Variants in CTTNBP2 observed in about 807,000 individuals in gnomAD.
CTTNBP2 encodes the protein cortactin-binding protein 2.
Under a neutral mutation model 156.9 loss-of-function variants are expected in CTTNBP2, and 108 were observed. The ratio of observed to expected loss-of-function variants is 0.69; its 90% CI spans 0.59 to 0.81. The LOEUF is 0.81. Among genes scored for constraint, CTTNBP2 ranks in the 30% least tolerant of loss-of-function variants. The pLI is 0.00. For missense variants in CTTNBP2, 1,924 were observed against 2,035.4 expected (o/e 0.95, Z 1.05); for synonymous variants, 767 against 751.8 (o/e 1.02, Z -0.33).
At chr7:117,753,206 C>A (rs1796709541) in intron 12 of CTTNBP2, among the ~76,000 whole-genome samples, 1 of 152,120 alleles carries the variant, frequency 6.6e-6, no homozygotes, top group Non-Finnish European at 1.5e-5. Flanking sequence ...CAATGAGATA[C>A]CATCTCACGC....
chr7:117,864,456 A>G (rs933108994), intron 1 of CTTNBP2, among the ~76,000 whole-genome samples: 3 of 151,814 alleles, frequency 2.0e-5, no homozygotes, highest in Non-Finnish European at 4.4e-5. Flanking sequence ...TCAAATTGTC[A>G]ACAACTTTTA....
At chr7:117,717,993 A>G (rs1584882888) in intron 22 of CTTNBP2, 25 bp downstream of exon 22, 1 of 1,369,088 alleles carries the variant, frequency 7.3e-7, no homozygotes, top group East Asian at 2.3e-5. Flanking sequence ...TCCTTTGTTC[A>G]CTTTGGGGAG....
At chr7:117,779,071 G>C (rs761122705) in intron 7 of CTTNBP2, among the ~76,000 whole-genome samples, 4 of 152,062 alleles carry the variant, frequency 2.6e-5, no homozygotes, top group Non-Finnish European at 2.9e-5. Flanking sequence ...AAATCCACTT[G>C]GCTAAGACAA....
chr7:117,782,704 T>G (rs866757993), intron 6 of CTTNBP2, among the ~76,000 whole-genome samples, 158 bp downstream of exon 6: 1 of 152,230 alleles, frequency 6.6e-6, no homozygotes, highest in East Asian at 1.9e-4. Flanking sequence ...AAATTTAGAA[T>G]CCTAGTTTGC....
At chr7:117,839,898 A>G (rs1023701990) in intron 2 of CTTNBP2, among the ~76,000 whole-genome samples, 6 of 152,330 alleles carry the variant, frequency 3.9e-5, no homozygotes, top group African/African-American at 1.2e-4. Context: ...CCCTACTAAT[A>G]ATAAACTACC....
At position 117,810,954 on chromosome 7, in the gene CTTNBP2, A is replaced by T; in HGVS notation, c.225T>A (p.Tyr75Ter). The change falls in exon 3 of 23, where the codon TAT becomes TAA. Residue 75 changes from tyrosine (Y) to a stop codon, truncating the protein, a stop_gained. Transcript: ENST00000160373. LOFTEE classifies it high-confidence loss of function. ...RRKEVFIQER[Y>*]GRFNLNDPFL... ...ACGGGTCATTTAGATTAAATCTCCC[A>T]TACCGTTCCTGGATAAATACCTCCT... 6.2e-7 allele frequency: 1 copy of T among 1,613,798 alleles called. No individual in the cohort carries two copies. The highest frequency in any genetic ancestry group is 8.5e-7 in the Non-Finnish European group (1 of 1,179,742).
At chr7:117,835,698 C>T (rs974023887) in intron 2 of CTTNBP2, among the ~76,000 whole-genome samples, 4 of 152,152 alleles carry the variant, frequency 2.6e-5, no homozygotes, top group African/African-American at 4.8e-5. Flanking sequence ...TTTCAACACG[C>T]ATTCGTCTTG....
intron 14 of CTTNBP2, among the ~76,000 whole-genome samples, chr7:117,743,963 C>T (rs1796169661): frequency 6.6e-6 from 1 of 151,852 alleles, no homozygotes; most frequent in South Asian, 2.1e-4. Flanking sequence ...AAATGTGCTT[C>T]TAGGTTTGTG....
chr7:117,730,209 A>C (rs1349879377), intron 16 of CTTNBP2, among the ~76,000 whole-genome samples: 2 of 152,038 alleles, frequency 1.3e-5, no homozygotes, highest in Admixed American at 6.5e-5. Flanking sequence ...CTGCTTCCCT[A>C]TTCTCAGCAA....
chr7:117,779,620 A>G (rs1380162612), intron 7 of CTTNBP2, among the ~76,000 whole-genome samples: 1 of 152,024 alleles, frequency 6.6e-6, no homozygotes, highest in Non-Finnish European at 1.5e-5. Context: ...TAACATGAAA[A>G]ATATAAAACT....
chr7:117,869,488 C>G (rs1366206476), intron 1 of CTTNBP2, among the ~76,000 whole-genome samples: 1 of 152,196 alleles, frequency 6.6e-6, no homozygotes. Flanking sequence ...TCACACAACT[C>G]TCCTCGGAGG....
rs745874517 is a variant in CTTNBP2, at chr7:117,780,591, C to A, written c.2373G>T (p.Glu791Asp). 2 of 1,562,478 alleles carry A rather than the reference C, an allele frequency of 1.3e-6. No homozygotes were observed. The highest frequency in any genetic ancestry group is 1.7e-6 in the Non-Finnish European group (2 of 1,156,764). Residue 791 changes from glutamate (E) to aspartate (D), a missense_variant and splice_region_variant, in exon 7 of 23, where the codon GAG (glutamate) becomes GAT (aspartate). By Grantham distance (45) the Glu-to-Asp change is conservative (BLOSUM62 2). Transcript: ENST00000160373. ...CATATGAAATTAATAATTCTACACA[C>A]CTAAACACAAGATTAGGATTAATTA... ...LCAAAAQGHF[E>D]CVELLISYDA... is the part of the protein sequence containing the mutation.
At chr7:117,838,390 T>C (rs1563056890) in intron 2 of CTTNBP2, among the ~76,000 whole-genome samples, 3 of 152,200 alleles carry the variant, frequency 2.0e-5, no homozygotes, top group Non-Finnish European at 2.9e-5. Context: ...TGGTCTCTAA[T>C]GCTAATATCA....
At chr7:117,733,864 A>C (rs1795537209) in intron 16 of CTTNBP2, among the ~76,000 whole-genome samples, 1 of 152,164 alleles carries the variant, frequency 6.6e-6, no homozygotes, top group Non-Finnish European at 1.5e-5. Context: ...CTTGGTGGAG[A>C]GCTTCAATCT....
intron 2 of CTTNBP2, among the ~76,000 whole-genome samples, chr7:117,848,586 T>C (rs1408961041): frequency 6.6e-6 from 1 of 152,232 alleles, no homozygotes; most frequent in African/African-American, 2.4e-5. Context: ...ACAGCTTTTT[T>C]CTACCTTATA....
chr7:117,780,838 T>G (rs921030361), intron 6 of CTTNBP2, among the ~76,000 whole-genome samples: 2 of 152,238 alleles, frequency 1.3e-5, no homozygotes, highest in African/African-American at 4.8e-5. Context: ...TGCTAATACC[T>G]GCTTTATGAC....
chr7:117,805,836 T>C (rs1799907115), intron 3 of CTTNBP2, among the ~76,000 whole-genome samples: 1 of 152,190 alleles, frequency 6.6e-6, no homozygotes, highest in Non-Finnish European at 1.5e-5. Context: ...TCACAAGCAA[T>C]GTCTTAAAGA....
intron 2 of CTTNBP2, among the ~76,000 whole-genome samples, chr7:117,833,529 A>C (rs1219836174): frequency 2.0e-5 from 3 of 152,208 alleles, no homozygotes; most frequent in Non-Finnish European, 4.4e-5. Context: ...GGTGAGCTGC[A>C]TCCATCCTTC....
intron 1 of CTTNBP2, among the ~76,000 whole-genome samples, chr7:117,863,508 C>T (rs555179908): frequency 3.3e-5 from 5 of 152,194 alleles, no homozygotes; most frequent in South Asian, 2.1e-4. Flanking sequence ...AAACAAGCCA[C>T]GGGGCTCCAC....
Sources: gnomAD v4.1 joint callset for allele counts (sites outside exome capture counted in the v4.1 genomes callset) on GRCh38, gnomAD v4.1.1 for gene constraint, MANE v1.5 for transcripts, NCBI Gene and HGNC (gene_info 2026-07-23, HGNC 2026-07-21) for gene names.